Variants in PIAS1 observed in about 807,000 individuals in gnomAD.
PIAS1 encodes E3 SUMO-protein ligase PIAS1.
Under a neutral mutation model 71.3 loss-of-function variants are expected in PIAS1, and 6 were observed. That is an observed-to-expected ratio of 0.08 (90% CI 0.05 to 0.17). PIAS1 has a LOEUF of 0.17. Among genes scored for constraint, PIAS1 ranks in the 10% least tolerant of loss-of-function variants. The pLI, the probability that PIAS1 is intolerant of heterozygous loss-of-function variation, is 1.00. For synonymous variants in PIAS1, 303 were observed against 292.9 expected, an observed-to-expected ratio of 1.03 and a Z score of -0.35; for missense variants, 555 against 793.6, an observed-to-expected ratio of 0.70 and a Z score of 3.61.
chr15:68,074,342 T>A (rs1245167229), intron 1 of PIAS1, among the ~76,000 whole-genome samples: 2 of 152,280 alleles, frequency 1.3e-5, no homozygotes, highest in East Asian at 1.9e-4. Context: ...TTTAAAAAAA[T>A]TTTATTTTTA....
chr15:68,181,194 A>C lies in PIAS1; in HGVS notation c.1482-18A>C, dbSNP rs370245590. ...TTAACTGGCTAATGAAAACTATGCCAATCTTTCCTTCTTCCAGCATTTTAA... is the reference window on the plus strand; with the variant it reads ...TTAACTGGCTAATGAAAACTATGCCCATCTTTCCTTCTTCCAGCATTTTAA... On this transcript the variant is annotated intron_variant, in intron 11 of 13. Coordinates refer to ENST00000249636, the MANE Select transcript of PIAS1 (RefSeq NM_016166.3). The C allele has an allele frequency of 2.5e-6, 4 of 1,610,664 alleles. No homozygotes were observed. Among genetic ancestry groups the C allele is most frequent in the Admixed American group, 1.7e-5 (1 of 59,628 alleles).
At chr15:68,130,423 A>T (rs535304106) in intron 2 of PIAS1, among the ~76,000 whole-genome samples, 1 of 152,088 alleles carries the variant, frequency 6.6e-6, no homozygotes, top group Admixed American at 6.5e-5. Flanking sequence ...TAAACATTCC[A>T]AATGTTTTTT....
chr15:68,146,690 A>G lies in PIAS1; in HGVS notation c.818A>G (p.Glu273Gly). The change falls in exon 6 of 14, where the codon GAA becomes GGA. Residue 273 changes from glutamate to glycine, a missense_variant. Glu to Gly is a moderately conservative substitution (Grantham distance 98, BLOSUM62 -2). Coordinates refer to ENST00000249636, the MANE Select transcript of PIAS1 (RefSeq NM_016166.3). Reference protein sequence around the residue: ...PNTIVVSWTAEIGRNYSMAVY... With the variant: ...PNTIVVSWTAGIGRNYSMAVY... ...ACGATTGTTGTTTCTTGGACTGCAGAAATTGGAAGAGTAAGTAAATTTTTG... is the reference window on the plus strand; with the variant it reads ...ACGATTGTTGTTTCTTGGACTGCAGGAATTGGAAGAGTAAGTAAATTTTTG... 2 of 1,606,664 alleles carry G rather than the reference A, an allele frequency of 1.2e-6. No individual in the cohort carries two copies. The highest frequency in any genetic ancestry group is 1.7e-4 in the Middle Eastern group (1 of 6,018).
chr15:68,121,359 G>A (rs938751919), intron 2 of PIAS1, among the ~76,000 whole-genome samples: 1 of 150,250 alleles, frequency 6.7e-6, no homozygotes, highest in Non-Finnish European at 1.5e-5. Context: ...GCTGTTATCT[G>A]TATGCTGTTC....
chr15:68,114,347 A>G (rs937516681), intron 2 of PIAS1, among the ~76,000 whole-genome samples: 2 of 152,096 alleles, frequency 1.3e-5, no homozygotes, highest in South Asian at 2.1e-4. Flanking sequence ...AGTCAAAGCA[A>G]TATGAATTTG....
At chr15:68,113,777 T>C (rs1273400036) in intron 2 of PIAS1, among the ~76,000 whole-genome samples, 1 of 152,110 alleles carries the variant, frequency 6.6e-6, no homozygotes, top group Non-Finnish European at 1.5e-5. Flanking sequence ...GATAAAAGGA[T>C]GTGATAAAAA....
chr15:68,128,573 C>G (rs1035121975), intron 2 of PIAS1, among the ~76,000 whole-genome samples: 1 of 151,670 alleles, frequency 6.6e-6, no homozygotes, highest in Non-Finnish European at 1.5e-5. Context: ...GAATTCTGAT[C>G]TAAAAAAAAA....
intron 2 of PIAS1, among the ~76,000 whole-genome samples, chr15:68,097,048 A>G (rs1266895750): frequency 2.6e-5 from 4 of 152,162 alleles, no homozygotes; most frequent in Admixed American, 6.5e-5. Flanking sequence ...GGTTTTTCAT[A>G]TATGGTCTTC....
chr15:68,178,110 C>T lies in PIAS1; in HGVS notation c.1481+1456C>T, dbSNP rs868496667. Among the ~76,000 whole-genome samples, 2 of 152,110 alleles carry T rather than the reference C, an allele frequency of 1.3e-5. No homozygotes were observed. Among genetic ancestry groups the T allele is most frequent in the South Asian group, 2.1e-4 (1 of 4,834 alleles). The stretch of plus-strand genomic sequence containing the variant: ...TGGGCAACATGGTAAAACCCTGTCT[C>T]TACCAAAAAATTAGCTGGGTATGGC... On this transcript the variant is annotated intron_variant, in intron 11 of 13. Coordinates refer to ENST00000249636, the MANE Select transcript of PIAS1 (RefSeq NM_016166.3). The surrounding 1 kb of genome is among the most constrained non-coding windows in gnomAD (Gnocchi z 4.2).
At chr15:68,121,557 C>T (rs2092613711) in intron 2 of PIAS1, among the ~76,000 whole-genome samples, 1 of 151,904 alleles carries the variant, frequency 6.6e-6, no homozygotes, top group Admixed American at 6.6e-5. Flanking sequence ...GCTTTTTCTT[C>T]TGTATTTCTG....
chr15:68,125,698 AT>A (rs940415259), intron 2 of PIAS1, among the ~76,000 whole-genome samples: 207 of 147,314 alleles, frequency 1.4e-3, no homozygotes, highest in African/African-American at 4.3e-3. Flanking sequence ...CTGGTTTCCG[AT>A]TTTTTTTTTC....
At chr15:68,107,343 C>T (rs911685509) in intron 2 of PIAS1, among the ~76,000 whole-genome samples, 2 of 152,138 alleles carry the variant, frequency 1.3e-5, no homozygotes, top group Non-Finnish European at 2.9e-5. Flanking sequence ...TCCTCTTAAT[C>T]CTTATCAGAA....
intron 6 of PIAS1, among the ~76,000 whole-genome samples, chr15:68,151,679 A>G (rs1369866137): frequency 1.3e-4 from 2 of 15,754 alleles, no homozygotes; most frequent in Non-Finnish European, 2.6e-4. Flanking sequence ...AAACAAAAAA[A>G]CAAAACACAC....
intron 2 of PIAS1, among the ~76,000 whole-genome samples, chr15:68,098,973 T>C (rs991859049): frequency 5.9e-5 from 9 of 152,144 alleles, no homozygotes; most frequent in African/African-American, 2.2e-4. Flanking sequence ...TGTTTGCTAA[T>C]TTATAATCTT....
intron 2 of PIAS1, among the ~76,000 whole-genome samples, chr15:68,100,320 C>T (rs1308884623): frequency 6.6e-6 from 1 of 152,108 alleles, no homozygotes; most frequent in Non-Finnish European, 1.5e-5. Flanking sequence ...ATTTGTAGCT[C>T]TGTGCAGATT....
Position 68,193,304 on chromosome 15 carries a change from A to C in PIAS1, c.*5469A>C, listed in dbSNP as rs1047408976. 6.6e-6 allele frequency: 1 copy of C among 152,238 alleles called. No individual in the cohort carries two copies. Among genetic ancestry groups the C allele is most frequent in the Non-Finnish European group, 1.5e-5 (1 of 68,090 alleles). The allele number at this position is 152,238 out of a possible 1,614,324, so 9.4% of individuals were successfully genotyped here. ...TCCTTTGGTGTGGGGTGTAAAGTAG[A>C]TCGCTCTTCCTGCTCTCAGCTGATG... On this transcript the variant is annotated 3_prime_UTR_variant, in exon 14 of 14. Transcript: ENST00000249636.
chr15:68,092,523 T>G (rs1430665467), intron 2 of PIAS1, among the ~76,000 whole-genome samples: 1 of 152,228 alleles, frequency 6.6e-6, no homozygotes, highest in Admixed American at 6.5e-5. Flanking sequence ...TCTACTTGAT[T>G]ACTGAAGGAT....
In PIAS1 at chr15:68,142,285, T is replaced by C. The variant is rs1595761462; in HGVS notation, c.555-5T>C. On this transcript the variant is annotated splice_polypyrimidine_tract_variant and splice_region_variant and intron_variant, in intron 3 of 13. Coordinates refer to ENST00000249636, the MANE Select transcript of PIAS1 (RefSeq NM_016166.3). ...TAATTGTAATTCCTATTCTGTCTCT[T>C]CTAGGGATATTTCTGGGACCAAATG... 1 of 1,601,016 alleles carries C rather than the reference T, an allele frequency of 6.2e-7. No homozygotes were observed. The highest frequency in any genetic ancestry group is 1.1e-5 in the South Asian group (1 of 90,586).
intron 2 of PIAS1, among the ~76,000 whole-genome samples, chr15:68,139,387 C>G (rs1192088996): frequency 1.3e-5 from 2 of 152,200 alleles, no homozygotes; most frequent in Non-Finnish European, 2.9e-5. Flanking sequence ...GAAGGTTGAA[C>G]TCTAGATCAA....
Sources: allele counts gnomAD v4.1 joint callset (sites outside exome capture counted in the v4.1 genomes callset), GRCh38; gene constraint gnomAD v4.1.1; non-coding constraint Gnocchi (gnomAD v3.1); transcripts MANE v1.5; gene names NCBI Gene and HGNC (gene_info 2026-07-23, HGNC 2026-07-21).